Variants in UBE2E2 observed in about 807,000 individuals in gnomAD.
The protein encoded by UBE2E2 is ubiquitin-conjugating enzyme E2 E2.
In UBE2E2, 6 loss-of-function variants were observed where a neutral mutation model predicts 24.7. The observed-to-expected ratio is 0.24, with a 90% CI of 0.13 to 0.48. UBE2E2 has a LOEUF of 0.48. Ranked by LOEUF, UBE2E2 falls within the 20% of genes least tolerant of loss-of-function variation. The pLI, the probability that UBE2E2 is intolerant of heterozygous loss-of-function variation, is 0.99. For synonymous variants in UBE2E2, 104 were observed against 83.6 expected (o/e 1.24, Z -1.33); for missense variants, 169 against 245.0 (o/e 0.69, Z 2.07).
chr3:23,236,892 C>T (rs1023518231), intron 3 of UBE2E2, among the ~76,000 whole-genome samples: 4 of 152,124 alleles, frequency 2.6e-5, no homozygotes, highest in African/African-American at 9.7e-5. Context: ...ACATGTGCAC[C>T]AGCATGGTCC....
At chr3:23,347,509 C>T (rs1695595916) in intron 3 of UBE2E2, among the ~76,000 whole-genome samples, 1 of 151,838 alleles carries the variant, frequency 6.6e-6, no homozygotes, top group Admixed American at 6.6e-5. Flanking sequence ...ACAATGAGAA[C>T]ACATGGACAC....
chr3:23,544,133 T>C (rs1237883568), intron 5 of UBE2E2, among the ~76,000 whole-genome samples: 1 of 152,178 alleles, frequency 6.6e-6, no homozygotes, highest in African/African-American at 2.4e-5. Context: ...GGAAAAACTC[T>C]TTTGGGCGTT....
At chr3:23,450,952 C>G (rs1698549160) in intron 3 of UBE2E2, among the ~76,000 whole-genome samples, 1 of 152,146 alleles carries the variant, frequency 6.6e-6, no homozygotes, top group South Asian at 2.1e-4. Context: ...TGTAGTTTTA[C>G]TGGCTGAGAA....
In UBE2E2 at chr3:23,218,905, ACTTTGT is replaced by A. The variant is rs145537251; in HGVS notation, c.227+1599_227+1604del. Among the ~76,000 whole-genome samples the A allele has an allele frequency of 8.4e-4, 128 of 152,298 alleles. 1 individual carries two copies. In the East Asian group the frequency reaches 0.022, roughly 27 times the overall value. On this transcript the variant is annotated intron_variant, in intron 3 of 5. Transcript: ENST00000396703. ...AGTGTCATCTGAAATTTGGAGGTTT[ACTTTGT>A]CTTTGAGCCTTAGTGACATCATTAC... is the stretch of plus-strand genomic sequence containing the variant.
At chr3:23,588,801 A>G (rs1696691416) in intron 5 of UBE2E2, among the ~76,000 whole-genome samples, 1 of 152,154 alleles carries the variant, frequency 6.6e-6, no homozygotes, top group African/African-American at 2.4e-5. Flanking sequence ...AATCCATGTC[A>G]TTAACATATT....
intron 4 of UBE2E2, among the ~76,000 whole-genome samples, chr3:23,521,236 C>T (rs1694856821): frequency 6.6e-6 from 1 of 151,996 alleles, no homozygotes. Flanking sequence ...GAGTGTGAGA[C>T]CTATAAAAAA....
At chr3:23,370,263 T>C (rs57234542) in intron 3 of UBE2E2, among the ~76,000 whole-genome samples, 1 of 152,032 alleles carries the variant, frequency 6.6e-6, no homozygotes. Flanking sequence ...CCTTTCTGTC[T>C]TTAAGTTTGT....
chr3:23,208,068 C>A (rs2055157), intron 1 of UBE2E2, among the ~76,000 whole-genome samples: 23,968 of 151,876 alleles, frequency 0.16, 2,001 homozygotes, highest in South Asian at 0.22. Context: ...GGGTCTTGCT[C>A]TGTCACTCAG....
chr3:23,477,380 TA>T (rs1559395882), intron 3 of UBE2E2, among the ~76,000 whole-genome samples: 1 of 152,230 alleles, frequency 6.6e-6, no homozygotes, highest in South Asian at 2.1e-4. Flanking sequence ...AGGTTGTTTT[TA>T]AAAATAATTT....
At position 23,571,496 on chromosome 3, in the gene UBE2E2, G is replaced by A. The variant is rs139791692; in HGVS notation, c.509-18238G>A. On this transcript the variant is annotated intron_variant, in intron 5 of 5. Coordinates refer to ENST00000396703, the MANE Select transcript of UBE2E2 (RefSeq NM_152653.4). ...GTAGGGACAGGGTTTCACCATGTTG[G>A]TCAGACTGGTCTCAAACTCCTGACC... Among the ~76,000 whole-genome samples the A allele has an allele frequency of 2.2e-3, 339 of 151,534 alleles. 3 individuals carry two copies. The highest frequency in any genetic ancestry group is 7.8e-3 in the African/African-American group (323 of 41,314).
chr3:23,278,703 A>G (rs560556620), intron 3 of UBE2E2, among the ~76,000 whole-genome samples: 1 of 152,174 alleles, frequency 6.6e-6, no homozygotes, highest in Non-Finnish European at 1.5e-5. Flanking sequence ...TTGAGCAATC[A>G]TGTAACTACA....
intron 5 of UBE2E2, among the ~76,000 whole-genome samples, chr3:23,578,126 A>C (rs941348037): frequency 1.3e-5 from 2 of 152,216 alleles, no homozygotes; most frequent in Non-Finnish European, 2.9e-5. Context: ...TGGGCAAAGG[A>C]CATGAACAGA....
intron 3 of UBE2E2, among the ~76,000 whole-genome samples, chr3:23,495,365 C>T (rs1699579078): frequency 6.6e-6 from 1 of 152,154 alleles, no homozygotes; most frequent in Non-Finnish European, 1.5e-5. Flanking sequence ...CCTTCCTCAG[C>T]CACACTATTT....
chr3:23,521,477 T>A (rs1406472795), intron 4 of UBE2E2, among the ~76,000 whole-genome samples: 6 of 152,238 alleles, frequency 3.9e-5, no homozygotes, highest in Admixed American at 6.5e-5. Context: ...GTTGGTCCTT[T>A]GGACATCTGT....
chr3:23,402,702 C>A (rs1027561030), intron 3 of UBE2E2, among the ~76,000 whole-genome samples: 1 of 152,162 alleles, frequency 6.6e-6, no homozygotes, highest in Non-Finnish European at 1.5e-5. Flanking sequence ...ACAATAAATA[C>A]TCTAGTTATA....
chr3:23,499,670 C>G lies in UBE2E2; in HGVS notation c.290C>G (p.Ser97Cys). The change falls in exon 4 of 6, where the codon TCT becomes TGT. Residue 97 changes from serine to cysteine, a missense_variant. By Grantham distance (112) the Ser-to-Cys change is moderately radical. Around this residue, in one of 2 missense-constraint regions of UBE2E2, gnomAD observed 105 missense variants for 180.7 expected, o/e 0.58. Coordinates refer to ENST00000396703, the MANE Select transcript of UBE2E2 (RefSeq NM_152653.4). Reference sequence around the variant, plus strand: ...TCAACTATATTGGGACCCCCAGGATCTGTCTATGAAGGAGGGGTGTTCTTT... The same window carrying G: ...TCAACTATATTGGGACCCCCAGGATGTGTCTATGAAGGAGGGGTGTTCTTT... ...WRSTILGPPG[S>C]VYEGGVFFLD... 6.2e-7 allele frequency: 1 copy of G among 1,614,008 alleles called. No homozygotes were observed. Among genetic ancestry groups the G allele is most frequent in the Non-Finnish European group, 8.5e-7 (1 of 1,179,932 alleles).
intron 5 of UBE2E2, among the ~76,000 whole-genome samples, chr3:23,538,465 A>G (rs1290470303): frequency 6.6e-6 from 1 of 152,202 alleles, no homozygotes; most frequent in African/African-American, 2.4e-5. Context: ...AATAAGTGCT[A>G]TTAATCAATC....
At chr3:23,472,676 G>T (rs1278474712) in intron 3 of UBE2E2, among the ~76,000 whole-genome samples, 22 of 148,938 alleles carry the variant, frequency 1.5e-4, no homozygotes, top group Non-Finnish European at 2.2e-4. Context: ...TTTGAGACAG[G>T]ATTGCTCTGT....
At chr3:23,540,795 G>GC (rs1695380797) in intron 5 of UBE2E2, among the ~76,000 whole-genome samples, 1 of 152,044 alleles carries the variant, frequency 6.6e-6, no homozygotes, top group Admixed American at 6.6e-5. Context: ...ACTCACTGCA[G>GC]CCCCCTACCG....
Sources: allele counts gnomAD v4.1 joint callset (sites outside exome capture counted in the v4.1 genomes callset), GRCh38; gene constraint gnomAD v4.1.1; regional missense constraint gnomAD v4.1.1; transcripts MANE v1.5; gene names NCBI Gene and HGNC (gene_info 2026-07-23, HGNC 2026-07-21).